The following TENM4 variants were observed in gnomAD, a reference collection of about 807,000 sequenced individuals.
TENM4 encodes the protein teneurin-4.
Under a neutral mutation model 243.3 loss-of-function variants are expected in TENM4, and 82 were observed. That is an observed-to-expected ratio of 0.34 (90% CI 0.28 to 0.40). TENM4 has a LOEUF of 0.40. Among genes scored for constraint, TENM4 ranks in the 10% least tolerant of loss-of-function variants. The pLI, the probability that TENM4 is intolerant of heterozygous loss-of-function variation, is 1.00. For synonymous variants in TENM4, 1,412 were observed against 1,456.3 expected (o/e 0.97, Z 0.69); for missense variants, 3,138 against 3,673.3 (o/e 0.85, Z 3.77).
intron 30 of TENM4, 115 bp downstream of exon 30, chr11:78,676,034 TCTC>T: frequency 1.0e-6 from 1 of 992,870 alleles, no homozygotes; most frequent in Non-Finnish European, 1.4e-6. Context: ...CTGATTTAGT[TCTC>T]CCCTTTTGCA....
chr11:79,309,251 T>C (rs1856679288), intron 1 of TENM4, among the ~76,000 whole-genome samples: 1 of 152,248 alleles, frequency 6.6e-6, no homozygotes, highest in Admixed American at 6.5e-5. Context: ...AACATATCTA[T>C]ATGCTGTCAG....
At chr11:78,677,627 T>C (rs2135701719) in intron 29 of TENM4, among the ~76,000 whole-genome samples, 1 of 149,838 alleles carries the variant, frequency 6.7e-6, no homozygotes, top group East Asian at 1.9e-4. Flanking sequence ...AAAAATAACT[T>C]TGACACTTAA....
chr11:79,139,757 T>A lies in TENM4; in HGVS notation c.-66+8953A>T, dbSNP rs1020066010. 4.5e-3 allele frequency among the ~76,000 whole-genome samples: 92 copies of A among 20,324 alleles called. 9 individuals are homozygous for A. Among genetic ancestry groups the A allele is most frequent in the South Asian group, 0.019 (22 of 1,142 alleles). 13.3% of individuals were successfully genotyped at this position (20,324 alleles called of 152,430 possible). A position where few individuals can be genotyped will look rare whatever the true frequency, so the allele number is the denominator to read the frequency against. The stretch of plus-strand genomic sequence containing the variant: ...TATTTATATAAATATATAATATATA[T>A]TATATTTATATAAATATATAATATA... On this transcript the variant is annotated intron_variant, in intron 4 of 33. Coordinates refer to ENST00000278550, the MANE Select transcript of TENM4 (RefSeq NM_001098816.3).
At chr11:79,253,543 A>C (rs1345205199) in intron 2 of TENM4, among the ~76,000 whole-genome samples, 1 of 152,206 alleles carries the variant, frequency 6.6e-6, no homozygotes, top group Admixed American at 6.5e-5. Flanking sequence ...TGGATGACAC[A>C]GAGTCCCACA....
intron 4 of TENM4, among the ~76,000 whole-genome samples, chr11:79,127,539 C>T (rs1291633402): frequency 1.3e-5 from 2 of 152,220 alleles, no homozygotes. Context: ...CCATAAGCCC[C>T]AACAGAAGCA....
Position 78,688,120 on chromosome 11 carries a change from T to C in TENM4, c.5194A>G (p.Ser1732Gly), listed in dbSNP as rs1858731120. 1 of 1,613,876 alleles carries C rather than the reference T, an allele frequency of 6.2e-7. No individual in the cohort carries two copies. The highest frequency in any genetic ancestry group is 1.7e-5 in the Admixed American group (1 of 60,016). ...SSVHVQVETS[S>G]KDDVTITTNL... Reference sequence around the variant, plus strand: ...GTGGTTATGGTGACATCATCCTTGCTGGAGGTCTCTACCTGGACATGCACT... The same window carrying C: ...GTGGTTATGGTGACATCATCCTTGCCGGAGGTCTCTACCTGGACATGCACT... Residue 1732 changes from serine to glycine, a missense_variant, in exon 29 of 34, where the codon AGC (serine) becomes GGC (glycine). This residue lies in a region of TENM4 where 2,467 missense variants were observed against 3,059.1 expected (regional missense o/e 0.81). Coordinates refer to ENST00000278550, the MANE Select transcript of TENM4 (RefSeq NM_001098816.3).
At chr11:79,252,789 G>A (rs1855634102) in intron 2 of TENM4, among the ~76,000 whole-genome samples, 1 of 152,178 alleles carries the variant, frequency 6.6e-6, no homozygotes, top group African/African-American at 2.4e-5. Flanking sequence ...CAAGGAGGAT[G>A]AGAGACTCAT....
intron 4 of TENM4, among the ~76,000 whole-genome samples, chr11:79,128,009 A>T (rs892837335): frequency 1.3e-5 from 2 of 152,130 alleles, no homozygotes; most frequent in Non-Finnish European, 2.9e-5. Context: ...TTATTGAGTG[A>T]CCCAAAAGGC....
intron 2 of TENM4, among the ~76,000 whole-genome samples, chr11:79,242,092 C>T (rs992638591): frequency 2.0e-5 from 3 of 152,170 alleles, no homozygotes; most frequent in African/African-American, 7.2e-5. Context: ...TTTTTAAGAT[C>T]CCTGAAAAAT....
At chr11:79,162,647 G>A (rs1862775970) in intron 3 of TENM4, among the ~76,000 whole-genome samples, 1 of 152,146 alleles carries the variant, frequency 6.6e-6, no homozygotes, top group Non-Finnish European at 1.5e-5. Context: ...TGAGAGAGAT[G>A]AAATGGCAAG....
At chr11:78,767,390 G>T (rs1417467227) in intron 18 of TENM4, among the ~76,000 whole-genome samples, 1 of 152,176 alleles carries the variant, frequency 6.6e-6, no homozygotes, top group African/African-American at 2.4e-5. Context: ...AAGCCTTGTG[G>T]TACTGCTGCA....
chr11:78,823,753 G>T (rs1285972698), intron 12 of TENM4, among the ~76,000 whole-genome samples: 1 of 152,170 alleles, frequency 6.6e-6, no homozygotes, highest in Non-Finnish European at 1.5e-5. Context: ...TTTTAGAAAC[G>T]ACTTCATTGC....
intron 1 of TENM4, among the ~76,000 whole-genome samples, chr11:79,366,018 G>A (rs1157579844): frequency 6.6e-6 from 1 of 152,188 alleles, no homozygotes; most frequent in Admixed American, 6.5e-5. Flanking sequence ...CATGCTTCAA[G>A]TGATCAAGAG....
At position 78,672,017 on chromosome 11, in the gene TENM4, G is replaced by A; in HGVS notation, c.5793+16C>T. 1 of 1,605,394 alleles carries A rather than the reference G, an allele frequency of 6.2e-7. No homozygotes were observed. Among genetic ancestry groups the A allele is most frequent in the Non-Finnish European group, 8.5e-7 (1 of 1,174,700 alleles). On this transcript the variant is annotated intron_variant, in intron 31 of 33. Transcript: ENST00000278550. The stretch of plus-strand genomic sequence containing the variant: ...CTGTATGGCAAGGCCAGTGATGCAG[G>A]GAGACAGACACCTGCCTTCTCTAAG...
At chr11:79,018,854 G>T (rs892816358) in intron 6 of TENM4, among the ~76,000 whole-genome samples, 5 of 152,318 alleles carry the variant, frequency 3.3e-5, no homozygotes, top group African/African-American at 9.6e-5. Context: ...AGATTATTAA[G>T]ATTATTTTAG....
chr11:79,299,224 T>C (rs1206521458), intron 1 of TENM4, among the ~76,000 whole-genome samples: 1 of 152,222 alleles, frequency 6.6e-6, no homozygotes, highest in Non-Finnish European at 1.5e-5. Context: ...AGTCCTTCAA[T>C]GCACTGTGAC....
intron 1 of TENM4, among the ~76,000 whole-genome samples, chr11:79,303,859 G>A (rs1269193720): frequency 6.6e-6 from 1 of 152,178 alleles, no homozygotes; most frequent in Non-Finnish European, 1.5e-5. Flanking sequence ...TTGGGATGGG[G>A]TTTGGGCTGG....
At chr11:79,196,311 G>A (rs1565245191) in intron 3 of TENM4, among the ~76,000 whole-genome samples, 2 of 151,920 alleles carry the variant, frequency 1.3e-5, no homozygotes, top group Admixed American at 6.5e-5. Context: ...CTCCTTAGCT[G>A]TGTGACACTG....
chr11:78,795,340 G>A (rs937338027), intron 15 of TENM4, among the ~76,000 whole-genome samples: 5 of 152,174 alleles, frequency 3.3e-5, no homozygotes, highest in Non-Finnish European at 5.9e-5. Context: ...TGTATTGCCA[G>A]ATTCCAGTGG....
Sources: allele counts gnomAD v4.1 joint callset (sites outside exome capture counted in the v4.1 genomes callset), GRCh38; gene constraint gnomAD v4.1.1; regional missense constraint gnomAD v4.1.1; transcripts MANE v1.5; gene names NCBI Gene and HGNC (gene_info 2026-07-23, HGNC 2026-07-21).